Variants in MTOR observed in about 807,000 individuals in gnomAD.
MTOR encodes the protein serine/threonine-protein kinase mTOR.
A neutral mutation model predicts 319.8 loss-of-function variants in MTOR; 70 were observed. The observed-to-expected ratio is 0.22, with a 90% CI of 0.18 to 0.27. The LOEUF (loss-of-function observed/expected upper bound fraction) is 0.27, where lower values mean the gene tolerates loss of function less well. Ranked by LOEUF, MTOR falls within the 10% of genes least tolerant of loss-of-function variation. The probability of loss-of-function intolerance (pLI) is 1.00; values close to 1 mark genes in which losing one functional copy is unlikely to be tolerated. For missense variants in MTOR, 1,890 were observed against 3,274.4 expected, an observed-to-expected ratio of 0.58 and a Z score of 10.32; for synonymous variants, 1,183 against 1,211.4, an observed-to-expected ratio of 0.98 and a Z score of 0.49.
intron 1 of MTOR, among the ~76,000 whole-genome samples, chr1:11,261,698 A>C (rs1194214721): frequency 1.3e-5 from 2 of 152,108 alleles, no homozygotes; most frequent in African/African-American, 4.8e-5. Context: ...GCCAAGAAGA[A>C]GACTGCAGAA....
Position 11,132,910 on chromosome 1 carries a change from A to AG in MTOR, c.5364+169dup, listed in dbSNP as rs1338190953. 1.6e-5 allele frequency: 10 copies of AG among 628,874 alleles called. No homozygotes were observed. In the Admixed American group the frequency reaches 2.3e-4, roughly 15 times the overall value. 39.0% of individuals were successfully genotyped at this position (628,874 alleles called of 1,614,324 possible). ...ATCTTTCTGTATTAATTAAACTTGT[A>AG]GGGGGAAATGCAGGCTCCCTGGGCC... On this transcript the variant is annotated intron_variant, in intron 38 of 57. Coordinates refer to ENST00000361445, the MANE Select transcript of MTOR (RefSeq NM_004958.4).
chr1:11,209,184 T>G (rs1174529878), intron 25 of MTOR, 128 bp downstream of exon 25: 17 of 1,086,436 alleles, frequency 1.6e-5, no homozygotes, highest in Middle Eastern at 2.4e-4. Flanking sequence ...TCTAAGTTCA[T>G]GGTATCTAGA....
intron 29 of MTOR, 95 bp from the exon 30 acceptor site, chr1:11,157,386 C>A (rs537116907): frequency 1.4e-6 from 2 of 1,410,244 alleles, no homozygotes; most frequent in Non-Finnish European, 1.9e-6. Flanking sequence ...TGCTGCTGTA[C>A]GCATGACACT....
Position 11,199,166 on chromosome 1 carries a change from C to G in MTOR, c.4253+92G>C, listed in dbSNP as rs2100743342. 1 of 1,541,306 alleles carries G rather than the reference C, an allele frequency of 6.5e-7. No homozygotes were observed. The highest frequency in any genetic ancestry group is 8.9e-7 in the Non-Finnish European group (1 of 1,119,598). On this transcript the variant is annotated intron_variant, in intron 28 of 57. Transcript: ENST00000361445. This position sits in a 1 kb window ranked among gnomAD's most constrained non-coding sequence, Gnocchi z 4.5. Reference sequence around the variant, plus strand: ...GAGGCAGATTTCACAGAGCAGAAGTCTTCAAGTGACTCCAGTGAAGTGGCA... The same window carrying G: ...GAGGCAGATTTCACAGAGCAGAAGTGTTCAAGTGACTCCAGTGAAGTGGCA...
chr1:11,136,730 T>G (rs1299304958), intron 36 of MTOR, among the ~76,000 whole-genome samples: 1 of 152,108 alleles, frequency 6.6e-6, no homozygotes, highest in Non-Finnish European at 1.5e-5. Flanking sequence ...CTCAAATTCC[T>G]GGGCTCAAGC....
chr1:11,106,891 G>A lies in MTOR; in HGVS notation c.*594C>T, dbSNP rs766773627. On this transcript the variant is annotated 3_prime_UTR_variant, in exon 58 of 58. Transcript: ENST00000361445. ...TAGCGGTCAGGTCTTGAATTGAAGC[G>A]TGTGAGTCGCAGCATCACTGGGTCT... 1.8e-5 allele frequency: 24 copies of A among 1,361,782 alleles called. No individual in the cohort carries two copies. Among genetic ancestry groups the A allele is most frequent in the African/African-American group, 1.0e-4 (7 of 69,654 alleles). 84.4% of individuals were successfully genotyped at this position (1,361,782 alleles called of 1,614,324 possible).
chr1:11,218,034 G>C (rs1646531487), intron 19 of MTOR, among the ~76,000 whole-genome samples: 2 of 152,060 alleles, frequency 1.3e-5, no homozygotes, highest in African/African-American at 4.8e-5. Flanking sequence ...TGACTCAGTA[G>C]GCTCATTTCT....
intron 26 of MTOR, among the ~76,000 whole-genome samples, chr1:11,200,031 C>T (rs919594891): frequency 6.6e-6 from 1 of 152,080 alleles, no homozygotes; most frequent in East Asian, 1.9e-4. Flanking sequence ...AGTGGCAGGG[C>T]GGGGAGAAGA....
At chr1:11,191,731 G>A (rs1358165475) in intron 28 of MTOR, among the ~76,000 whole-genome samples, 6 of 152,180 alleles carry the variant, frequency 3.9e-5, no homozygotes, top group African/African-American at 1.4e-4. Context: ...TGAGGTGCTA[G>A]CTGGATGGAA....
intron 9 of MTOR, among the ~76,000 whole-genome samples, chr1:11,242,685 T>C (rs1648233846): frequency 6.6e-6 from 1 of 152,190 alleles, no homozygotes; most frequent in African/African-American, 2.4e-5. Flanking sequence ...TTTTCTCATA[T>C]TTTATTCGCC....
At chr1:11,181,347 C>T (rs890843122) in intron 28 of MTOR, among the ~76,000 whole-genome samples, 1 of 151,938 alleles carries the variant, frequency 6.6e-6, no homozygotes, top group African/African-American at 2.4e-5. Context: ...AGGAAGCTAC[C>T]TCAAGTTATT....
At chr1:11,132,095 A>T (rs1643190542) in intron 38 of MTOR, 1 of 152,224 alleles carries the variant, frequency 6.6e-6, no homozygotes, top group Non-Finnish European at 1.5e-5. Context: ...ACATCATAAA[A>T]CAAAAGGGAC....
At chr1:11,253,776 C>T (rs1042022426) in intron 6 of MTOR, 63 bp downstream of exon 6, 2 of 1,598,120 alleles carry the variant, frequency 1.3e-6, no homozygotes, top group African/African-American at 1.3e-5. Context: ...ATGGATCTCG[C>T]CTTGCCTCGC....
intron 56 of MTOR, 77 bp from the exon 57 acceptor site, chr1:11,108,363 G>A: frequency 8.9e-7 from 1 of 1,120,092 alleles, no homozygotes; most frequent in African/African-American, 1.5e-5. Flanking sequence ...GGGCTTAACT[G>A]TCTATGCCAA....
intron 53 of MTOR, among the ~76,000 whole-genome samples, chr1:11,114,092 T>C (rs1272238970): frequency 1.3e-5 from 2 of 152,212 alleles, no homozygotes; most frequent in Non-Finnish European, 2.9e-5. Context: ...ATTAAACCTC[T>C]TTCCTTTATA....
intron 28 of MTOR, chr1:11,193,527 C>T: frequency 2.6e-6 from 4 of 1,515,072 alleles, no homozygotes; most frequent in South Asian, 1.3e-5. Flanking sequence ...TGCCCTCTTG[C>T]TCCTGCCTTC....
intron 8 of MTOR, among the ~76,000 whole-genome samples, chr1:11,246,735 C>T (rs1481188946): frequency 1.3e-5 from 2 of 152,122 alleles, no homozygotes; most frequent in South Asian, 2.1e-4. Flanking sequence ...ATGAGCACCA[C>T]GGTAAAGTGG....
chr1:11,229,841 G>A (rs1298131084), intron 18 of MTOR, among the ~76,000 whole-genome samples: 2 of 152,074 alleles, frequency 1.3e-5, no homozygotes, highest in Non-Finnish European at 2.9e-5. Flanking sequence ...TCGAGGTGTG[G>A]TGGCACACGC....
Position 11,210,811 on chromosome 1 carries a change from C to T in MTOR, c.3654+3G>A. The T allele has an allele frequency of 3.7e-6, 6 of 1,602,746 alleles. No individual in the cohort carries two copies. Among genetic ancestry groups the T allele is most frequent in the Non-Finnish European group, 5.1e-6 (6 of 1,171,388 alleles). The stretch of plus-strand genomic sequence containing the variant: ...TTCAGAACAGAAAAGAAGTATAGTT[C>T]ACCTTGACAATTCTGCAGATGAGCA... On this transcript the variant is annotated splice_donor_region_variant and intron_variant, in intron 24 of 57. Transcript: ENST00000361445.
Sources: gnomAD v4.1 joint callset for allele counts (sites outside exome capture counted in the v4.1 genomes callset) on GRCh38, gnomAD v4.1.1 for gene constraint, Gnocchi (gnomAD v3.1) non-coding constraint, MANE v1.5 for transcripts, NCBI Gene and HGNC (gene_info 2026-07-23, HGNC 2026-07-21) for gene names.